The following CHN1 variants were observed in gnomAD, a reference collection of about 807,000 sequenced individuals.
CHN1 encodes N-chimaerin.
CHN1 carries 37 observed loss-of-function variants against 59.5 expected under a neutral mutation model. The ratio of observed to expected loss-of-function variants is 0.62; its 90% CI spans 0.48 to 0.82. The LOEUF (loss-of-function observed/expected upper bound fraction) is 0.82, where lower values mean the gene tolerates loss of function less well. Ranked by LOEUF, CHN1 falls within the 40% of genes least tolerant of loss-of-function variation. The probability of loss-of-function intolerance (pLI) is 0.00; values close to 1 mark genes in which losing one functional copy is unlikely to be tolerated. For missense variants in CHN1, 469 were observed against 571.0 expected (o/e 0.82, Z 1.82); for synonymous variants, 206 against 200.4 (o/e 1.03, Z -0.24).
intron 7 of CHN1, among the ~76,000 whole-genome samples, chr2:174,826,182 C>T (rs1431846730): frequency 6.6e-6 from 1 of 152,108 alleles, no homozygotes; most frequent in East Asian, 1.9e-4. Context: ...AATGCAGGCA[C>T]GGTAGCCTCT....
At chr2:174,860,529 A>G (rs1687037513) in intron 6 of CHN1, among the ~76,000 whole-genome samples, 1 of 152,174 alleles carries the variant, frequency 6.6e-6, no homozygotes, top group Non-Finnish European at 1.5e-5. Context: ...GTGCTCATAA[A>G]TAGTTTTCAC....
chr2:174,874,926 T>G (rs1687520196), intron 6 of CHN1, among the ~76,000 whole-genome samples: 1 of 148,508 alleles, frequency 6.7e-6, no homozygotes, highest in Non-Finnish European at 1.5e-5. Flanking sequence ...CAGGCTGGTG[T>G]GCAGTGGCAC....
At chr2:174,814,722 G>A (rs888510575) in intron 8 of CHN1, among the ~76,000 whole-genome samples, 5 of 152,032 alleles carry the variant, frequency 3.3e-5, no homozygotes, top group African/African-American at 4.8e-5. Flanking sequence ...TTTCTATGTC[G>A]TACCTCAAGG....
intron 1 of CHN1, among the ~76,000 whole-genome samples, chr2:174,985,886 A>AC: frequency 6.6e-6 from 1 of 152,356 alleles, no homozygotes; most frequent in East Asian, 1.9e-4. Context: ...GGCAAGTGCC[A>AC]TCTTGTGGAC....
intron 7 of CHN1, 99 bp downstream of exon 7, chr2:174,846,781 C>A: frequency 8.4e-7 from 1 of 1,185,504 alleles, no homozygotes; most frequent in Non-Finnish European, 1.1e-6. Context: ...ACATTTTAGT[C>A]AAGTCATCCT....
intron 1 of CHN1, among the ~76,000 whole-genome samples, chr2:175,002,863 TTCTGAC>T (rs1691934013): frequency 6.6e-6 from 1 of 152,232 alleles, no homozygotes; most frequent in Non-Finnish European, 1.5e-5. Context: ...CATGAGGCAC[TTCTGAC>T]TAAGACCAAC....
intron 8 of CHN1, among the ~76,000 whole-genome samples, chr2:174,817,160 T>C (rs1685297368): frequency 6.6e-6 from 1 of 152,230 alleles, no homozygotes; most frequent in Non-Finnish European, 1.5e-5. Context: ...ATGTATTTGC[T>C]ATTTTCAACC....
intron 1 of CHN1, among the ~76,000 whole-genome samples, chr2:174,968,353 T>C (rs1053530324): frequency 3.9e-5 from 6 of 152,204 alleles, no homozygotes; most frequent in African/African-American, 1.2e-4. Context: ...GATTATAAAC[T>C]GTAGAGCCAA....
chr2:174,821,844 C>A, intron 8 of CHN1: 1 of 361,852 alleles, frequency 2.8e-6, no homozygotes, highest in Non-Finnish European at 5.6e-6. Context: ...CATAGCAACC[C>A]AAAACTCCCC....
chr2:174,864,714 A>G (rs1227646854), intron 6 of CHN1, among the ~76,000 whole-genome samples: 1 of 152,032 alleles, frequency 6.6e-6, no homozygotes, highest in Non-Finnish European at 1.5e-5. Flanking sequence ...CTACAAAAAA[A>G]TTAGCTAGGC....
intron 3 of CHN1, among the ~76,000 whole-genome samples, chr2:174,931,166 T>C (rs1411919629): frequency 1.3e-5 from 2 of 151,690 alleles, no homozygotes; most frequent in Non-Finnish European, 2.9e-5. Context: ...AGTGATAGGA[T>C]GATTTTTAAA....
At chr2:174,838,779 C>A (rs1009877619) in intron 7 of CHN1, among the ~76,000 whole-genome samples, 50 of 152,020 alleles carry the variant, frequency 3.3e-4, no homozygotes, top group African/African-American at 1.2e-3. Context: ...CTTTGGGAGG[C>A]TGAGGTGGGC....
At chr2:174,893,915 A>G (rs1028590456) in intron 5 of CHN1, among the ~76,000 whole-genome samples, 3 of 152,182 alleles carry the variant, frequency 2.0e-5, no homozygotes, top group African/African-American at 7.2e-5. Flanking sequence ...GGAAATCTAG[A>G]TATCTATATG....
intron 6 of CHN1, among the ~76,000 whole-genome samples, chr2:174,870,264 T>C (rs535143709): frequency 2.6e-5 from 4 of 152,308 alleles, no homozygotes; most frequent in Admixed American, 2.6e-4. Flanking sequence ...CTGCCTATAA[T>C]TTCCTGTTGA....
rs184672176 is a variant in CHN1 at position 174,977,644 on chromosome 2, T to C, written c.20-25442A>G. 4.3e-4 allele frequency among the ~76,000 whole-genome samples: 65 copies of C among 152,352 alleles called. 1 individual carries two copies. Among genetic ancestry groups the C allele is most frequent in the Non-Finnish European group, 2.6e-4 (18 of 68,028 alleles). ...TGTTTGATTTTTATGTTAGTCTTTTTACTTGTAGTATAATTGGGAGTAATT... is the reference window on the plus strand; with the variant it reads ...TGTTTGATTTTTATGTTAGTCTTTTCACTTGTAGTATAATTGGGAGTAATT... On this transcript the variant is annotated intron_variant, in intron 1 of 12. Transcript: ENST00000409900.
At chr2:174,979,914 G>A (rs1266615158) in intron 1 of CHN1, among the ~76,000 whole-genome samples, 1 of 151,534 alleles carries the variant, frequency 6.6e-6, no homozygotes, top group Non-Finnish European at 1.5e-5. Flanking sequence ...ACAAAAAGAT[G>A]TACACAGTAT....
At chr2:174,879,856 A>C (rs1687682783) in intron 5 of CHN1, among the ~76,000 whole-genome samples, 1 of 152,158 alleles carries the variant, frequency 6.6e-6, no homozygotes, top group African/African-American at 2.4e-5. Context: ...AATCCAAGCA[A>C]TGGTGTCAGT....
In CHN1 at chr2:174,974,659, A is replaced by T. The variant is rs1223930887; in HGVS notation, c.20-22457T>A. 3.3e-5 allele frequency among the ~76,000 whole-genome samples: 5 copies of T among 152,246 alleles called. No homozygotes were observed. The South Asian group carries it at 1.0e-3, about 32-fold the overall frequency. The stretch of plus-strand genomic sequence containing the variant: ...AGTCAAGGCAAATATGCTAGTAGTA[A>T]ATGTTTTCCCAGCACCAATAAAATG... On this transcript the variant is annotated intron_variant, in intron 1 of 12. Coordinates refer to ENST00000409900, the MANE Select transcript of CHN1 (RefSeq NM_001822.7).
chr2:174,834,436 T>C (rs1159549662), intron 7 of CHN1, among the ~76,000 whole-genome samples: 3 of 152,246 alleles, frequency 2.0e-5, no homozygotes, highest in Non-Finnish European at 2.9e-5. Context: ...AATATTCTTG[T>C]AGTACCAGTC....
Sources: gnomAD v4.1 joint callset for allele counts (sites outside exome capture counted in the v4.1 genomes callset) on GRCh38, gnomAD v4.1.1 for gene constraint, MANE v1.5 for transcripts, NCBI Gene and HGNC (gene_info 2026-07-23, HGNC 2026-07-21) for gene names.